The following RNF213 variants were observed in gnomAD, a reference collection of about 807,000 sequenced individuals.
RNF213 encodes the protein ring finger protein 213.
RNF213 carries 341 observed loss-of-function variants against 514.4 expected under a neutral mutation model. The observed-to-expected ratio is 0.66, with a 90% CI of 0.61 to 0.73. The LOEUF (loss-of-function observed/expected upper bound fraction) is 0.73. Ranked by LOEUF, RNF213 falls within the 30% of genes least tolerant of loss-of-function variation. RNF213 has a pLI of 0.00. For synonymous variants in RNF213, 2,655 were observed against 2,658.2 expected (o/e 1.00, Z 0.04); for missense variants, 5,767 against 6,615.6 (o/e 0.87, Z 4.45).
Position 80,371,874 on chromosome 17 carries a change from C to T in RNF213, c.12426C>T (p.Ser4142=), listed in dbSNP as rs2079531903. The change falls in exon 47 of 68, where the codon AGC becomes AGT. Residue 4142 remains serine, a splice_region_variant and synonymous_variant. Coordinates refer to ENST00000582970, the MANE Select transcript of RNF213 (RefSeq NM_001256071.3). ...SVILKLLLKY[S]FHDVKDYIQE... ...AGGAATAATATTTCTCTTTCTGCAG[C>T]TTTCATGATGTAAAAGATTATATTC... 1 of 1,411,502 alleles carries T rather than the reference C, an allele frequency of 7.1e-7. No homozygotes were observed. Among genetic ancestry groups the T allele is most frequent in the Non-Finnish European group, 1.0e-6 (1 of 995,642 alleles). The allele number at this position is 1,411,502 out of a possible 1,614,324, so 87.4% of individuals were successfully genotyped here.
intron 67 of RNF213, among the ~76,000 whole-genome samples, chr17:80,392,943 A>G (rs1398857742): frequency 6.6e-6 from 1 of 151,594 alleles, no homozygotes; most frequent in African/African-American, 2.4e-5. Context: ...AACGGGAAAA[A>G]GTAACATGAG....
intron 9 of RNF213, 108 bp from the exon 10 acceptor site, chr17:80,295,449 G>A: frequency 7.2e-7 from 1 of 1,386,068 alleles, no homozygotes. Context: ...TGTGGTGGTG[G>A]GGCACGGATG....
At chr17:80,363,922 C>T in intron 41 of RNF213, 132 bp downstream of exon 41, 1 of 898,072 alleles carries the variant, frequency 1.1e-6, no homozygotes, top group South Asian at 1.4e-5. Context: ...CTCACCCGTT[C>T]ACTCCGCATT....
chr17:80,387,741 G>A (rs2080295395), intron 63 of RNF213, among the ~76,000 whole-genome samples: 2 of 152,240 alleles, frequency 1.3e-5, no homozygotes, highest in East Asian at 1.9e-4. Context: ...CCTGTAGCTC[G>A]GCCCAGCCCA....
At chr17:80,378,838 A>G (rs2079866484) in intron 54 of RNF213, among the ~76,000 whole-genome samples, 1 of 152,184 alleles carries the variant, frequency 6.6e-6, no homozygotes, top group African/African-American at 2.4e-5. Flanking sequence ...ATTTTGAAAA[A>G]TAAGCCTTTG....
In RNF213 at chr17:80,396,803, T is replaced by A. The variant is rs2080675369; in HGVS notation, c.*3305T>A. On this transcript the variant is annotated 3_prime_UTR_variant, in exon 68 of 68. Coordinates refer to ENST00000582970, the MANE Select transcript of RNF213 (RefSeq NM_001256071.3). Reference sequence around the variant, plus strand: ...TAATCACCCTCTCTGCAGGATATGCTGGGGATAGCCCTTTTGAGGAGGTGG... The same window carrying A: ...TAATCACCCTCTCTGCAGGATATGCAGGGGATAGCCCTTTTGAGGAGGTGG... 1 of 123,948 alleles carries A rather than the reference T, an allele frequency of 8.1e-6. No individual in the cohort carries two copies. The allele number at this position is 123,948 out of a possible 1,614,324, so 7.7% of individuals were successfully genotyped here. A position where few individuals can be genotyped will look rare whatever the true frequency, so the allele number is the denominator to read the frequency against.
chr17:80,342,353 T>G (rs2078177186), intron 26 of RNF213, among the ~76,000 whole-genome samples: 1 of 152,168 alleles, frequency 6.6e-6, no homozygotes, highest in South Asian at 2.1e-4. Context: ...CCTGCTGTCC[T>G]GCGGAGGCAG....
Position 80,327,949 on chromosome 17 carries a change from T to C in RNF213, c.3327T>C (p.Ile1109=). ...GTILVGQLEL[I]IKHKNQFLDI... is the part of the protein sequence containing the mutation. ...TTTTAGTTGGACAACTGGAGCTGAT[T>C]ATAAAGCACAAGAATCAGTTTCTTG... The change falls in exon 19 of 68, where the codon ATT becomes ATC. Residue 1109 remains isoleucine, a synonymous_variant. Coordinates refer to ENST00000582970, the MANE Select transcript of RNF213 (RefSeq NM_001256071.3). 2 of 1,537,284 alleles carry C rather than the reference T, an allele frequency of 1.3e-6. No homozygotes were observed. The highest frequency in any genetic ancestry group is 1.7e-6 in the Non-Finnish European group (2 of 1,146,918).
intron 32 of RNF213, chr17:80,352,669 C>A: frequency 1.6e-6 from 1 of 622,536 alleles, no homozygotes. Flanking sequence ...GAACCACAGG[C>A]CTTATCCATG....
chr17:80,261,144 C>T (rs1369260159), intron 1 of RNF213, among the ~76,000 whole-genome samples: 7 of 151,984 alleles, frequency 4.6e-5, no homozygotes, highest in Non-Finnish European at 1.0e-4. Context: ...GCAGCGGGCA[C>T]GCCTGGGACC....
At chr17:80,351,929 A>T in intron 32 of RNF213, 126 bp downstream of exon 32, 1 of 601,324 alleles carries the variant, frequency 1.7e-6, no homozygotes. Context: ...ATCTCAGCTC[A>T]CTACAACCTC....
At chr17:80,337,389 A>G in intron 23 of RNF213, 197 bp from the exon 24 acceptor site, 1 of 646,150 alleles carries the variant, frequency 1.5e-6, no homozygotes, top group East Asian at 2.8e-5. Flanking sequence ...ACAAAGCAGC[A>G]CTGAGTGACA....
In RNF213 at chr17:80,317,346, A is replaced by C; in HGVS notation, c.2901+69A>C. On this transcript the variant is annotated intron_variant, in intron 16 of 67. Coordinates refer to ENST00000582970, the MANE Select transcript of RNF213 (RefSeq NM_001256071.3). The surrounding 1 kb of genome is among the most constrained non-coding windows in gnomAD (Gnocchi z 4.1). ...GCTGGAGAACCCCAGACCATTAGCG[A>C]CAGCCAAGAGATCTCAGCAGTGCCT... 1.4e-6 allele frequency: 2 copies of C among 1,414,922 alleles called. No individual in the cohort carries two copies. The highest frequency in any genetic ancestry group is 1.8e-4 in the Middle Eastern group (1 of 5,712). The allele number at this position is 1,414,922 out of a possible 1,614,324, so 87.6% of individuals were successfully genotyped here. A position where few individuals can be genotyped will look rare whatever the true frequency, so the allele number is the denominator to read the frequency against.
At position 80,358,907 on chromosome 17, in the gene RNF213, CA is replaced by C. The variant is rs1167980420; in HGVS notation, c.11054+437del. Among the ~76,000 whole-genome samples the C allele has an allele frequency of 8.6e-5, 13 of 151,034 alleles. 1 individual carries two copies. In the East Asian group the frequency reaches 1.4e-3, roughly 16 times the overall value. The stretch of plus-strand genomic sequence containing the variant: ...CTGGTGACAGAGCAAGACTCTGTCT[CA>C]AAAAAAAAGAATAGGAAGTTTACGA... On this transcript the variant is annotated intron_variant, in intron 37 of 67. Coordinates refer to ENST00000582970, the MANE Select transcript of RNF213 (RefSeq NM_001256071.3).
Position 80,376,307 on chromosome 17 carries a change from G to A in RNF213, c.13192G>A (p.Glu4398Lys). 6.2e-7 allele frequency: 1 copy of A among 1,614,188 alleles called. No individual in the cohort carries two copies. Among genetic ancestry groups the A allele is most frequent in the Non-Finnish European group, 8.5e-7 (1 of 1,180,030 alleles). Residue 4398 changes from glutamate to lysine, a missense_variant, in exon 52 of 68, where the codon GAA becomes AAA. Glu to Lys is a moderately conservative substitution (Grantham distance 56, BLOSUM62 1). This residue lies in a region of RNF213 where 1,245 missense variants were observed against 1,339.0 expected (regional missense o/e 0.93). Coordinates refer to ENST00000582970, the MANE Select transcript of RNF213 (RefSeq NM_001256071.3). ...TAAGTTTTTTTCCTGTCAGCAATGT[G>A]AAGCTGTGAGCAAATTCATTGGCGA... ...ASLHPTPEQC[E>K]AVSKFIGECK...
intron 3 of RNF213, among the ~76,000 whole-genome samples, chr17:80,274,583 T>C (rs1211733586): frequency 3.0e-5 from 1 of 33,536 alleles, no homozygotes; most frequent in Non-Finnish European, 6.2e-5. Flanking sequence ...AGTGCTGTGG[T>C]CTGTGGGGGG....
At position 80,338,650 on chromosome 17, in the gene RNF213, A is replaced by T. The variant is rs1599054213; in HGVS notation, c.4834-551A>T. 2.4e-3 allele frequency among the ~76,000 whole-genome samples: 32 copies of T among 13,540 alleles called. No individual in the cohort carries two copies. The South Asian group carries it at 0.039, about 17-fold the overall frequency. The allele number at this position is 13,540 out of a possible 152,430, so 8.9% of individuals were successfully genotyped here. ...ATAAGGTTTTTTTTTTTCCCAATTA[A>T]AAAAAAAAGATAATTTAAAAAAATT... On this transcript the variant is annotated intron_variant, in intron 25 of 67. Transcript: ENST00000582970.
At chr17:80,293,043 G>A (rs1001718680) in intron 8 of RNF213, among the ~76,000 whole-genome samples, 5 of 151,840 alleles carry the variant, frequency 3.3e-5, no homozygotes, top group African/African-American at 1.2e-4. Context: ...ATATTTTTTC[G>A]TTTTTGTAAA....
chr17:80,265,914 GA>G (rs1161662187), intron 2 of RNF213, among the ~76,000 whole-genome samples: 6 of 150,936 alleles, frequency 4.0e-5, no homozygotes, highest in Admixed American at 1.3e-4. Flanking sequence ...TGTATTACAA[GA>G]AAAAAAAAGT....
Sources: allele counts gnomAD v4.1 joint callset (sites outside exome capture counted in the v4.1 genomes callset), GRCh38; gene constraint gnomAD v4.1.1; regional missense constraint gnomAD v4.1.1; non-coding constraint Gnocchi (gnomAD v3.1); transcripts MANE v1.5; gene names NCBI Gene and HGNC (gene_info 2026-07-23, HGNC 2026-07-21).